Variants in CRPPA observed in about 807,000 individuals in gnomAD.
CRPPA encodes the protein D-ribitol-5-phosphate cytidylyltransferase.
In CRPPA, 43 loss-of-function variants were observed where a neutral mutation model predicts 52.0. That is an observed-to-expected ratio of 0.83 (90% CI 0.65 to 1.07). The LOEUF is 1.07. CRPPA is among the 50% of genes least tolerant of loss of function. CRPPA has a pLI of 0.00. For synonymous variants in CRPPA, 250 were observed against 203.5 expected, an observed-to-expected ratio of 1.23 and a Z score of -1.94; for missense variants, 629 against 551.7, an observed-to-expected ratio of 1.14 and a Z score of -1.40.
intron 5 of CRPPA, among the ~76,000 whole-genome samples, chr7:16,295,554 A>G (rs1414630434): frequency 2.6e-5 from 4 of 152,112 alleles, no homozygotes; most frequent in Admixed American, 6.6e-5. Flanking sequence ...TTTAGCCACA[A>G]TATTGAATAT....
At chr7:16,391,557 T>C (rs932380190) in intron 2 of CRPPA, among the ~76,000 whole-genome samples, 1 of 152,182 alleles carries the variant, frequency 6.6e-6, no homozygotes. Context: ...CTCAAAGAAC[T>C]AGTCAAGTTC....
chr7:16,322,804 T>C (rs1334814942), intron 3 of CRPPA, among the ~76,000 whole-genome samples: 1 of 149,958 alleles, frequency 6.7e-6, no homozygotes, highest in African/African-American at 2.4e-5. Flanking sequence ...CATGCTGCTA[T>C]GAAGAAATAC....
At chr7:16,104,883 G>C (rs1157790814) in intron 9 of CRPPA, among the ~76,000 whole-genome samples, 2 of 147,932 alleles carry the variant, frequency 1.4e-5, no homozygotes, top group Admixed American at 1.4e-4. Context: ...CTGGGCAACA[G>C]AGTGAGACTC....
Position 16,088,194 on chromosome 7 carries a change from C to T in CRPPA, c.*3501G>A, listed in dbSNP as rs1781735825. 1 of 152,138 alleles carries T rather than the reference C, an allele frequency of 6.6e-6. No homozygotes were observed. Among genetic ancestry groups the T allele is most frequent in the Non-Finnish European group, 1.5e-5 (1 of 68,030 alleles). The allele number at this position is 152,138 out of a possible 1,614,324, so 9.4% of individuals were successfully genotyped here. On this transcript the variant is annotated 3_prime_UTR_variant, in exon 10 of 10. Coordinates refer to ENST00000407010, the MANE Select transcript of CRPPA (RefSeq NM_001101426.4). ...TATGATGAACTCCTAAGACGACTAA[C>T]TTTAATTTGCATTTAACTAACTAGC... is the stretch of plus-strand genomic sequence containing the variant.
At chr7:16,308,733 G>A in intron 3 of CRPPA, 106 bp from the exon 4 acceptor site, 4 of 686,808 alleles carry the variant, frequency 5.8e-6, no homozygotes, top group Non-Finnish European at 1.0e-5. Flanking sequence ...GGCCTAGGGG[G>A]CTCAAACTAT....
chr7:16,400,373 G>C (rs1374476449), intron 2 of CRPPA, among the ~76,000 whole-genome samples: 1 of 152,224 alleles, frequency 6.6e-6, no homozygotes, highest in East Asian at 1.9e-4. Flanking sequence ...CAACACGTTT[G>C]TGACACACTG....
intron 2 of CRPPA, among the ~76,000 whole-genome samples, chr7:16,377,326 T>A (rs1214338558): frequency 6.6e-6 from 1 of 152,158 alleles, no homozygotes. Flanking sequence ...GTAGGTCAAC[T>A]GGTCAAGCCC....
intron 9 of CRPPA, among the ~76,000 whole-genome samples, chr7:16,193,068 T>C (rs1195287073): frequency 6.6e-6 from 1 of 152,148 alleles, no homozygotes. Flanking sequence ...AAAATCAGCT[T>C]GTCATTTTCA....
intron 3 of CRPPA, among the ~76,000 whole-genome samples, chr7:16,359,153 C>A (rs1786379009): frequency 6.6e-6 from 1 of 151,954 alleles, no homozygotes; most frequent in East Asian, 1.9e-4. Flanking sequence ...ACAGAGTCTC[C>A]CTCTGTCACC....
chr7:16,349,143 C>A (rs181967616), intron 3 of CRPPA, among the ~76,000 whole-genome samples: 1 of 152,302 alleles, frequency 6.6e-6, no homozygotes, highest in East Asian at 1.9e-4. Flanking sequence ...GACCATCCAA[C>A]ACCTAAACCT....
chr7:16,169,851 G>T (rs186601796), intron 9 of CRPPA, among the ~76,000 whole-genome samples: 1 of 152,204 alleles, frequency 6.6e-6, no homozygotes, highest in Non-Finnish European at 1.5e-5. Context: ...CTTAGATCCA[G>T]AAAACAAGAA....
chr7:16,382,180 G>A (rs10269450), intron 2 of CRPPA, among the ~76,000 whole-genome samples: 24,313 of 151,606 alleles, frequency 0.16, 2,864 homozygotes, highest in African/African-American at 0.33. Flanking sequence ...CTTTTAGGGC[G>A]GGCCTGGTGG....
chr7:16,338,153 G>A (rs929579105), intron 3 of CRPPA, among the ~76,000 whole-genome samples: 1 of 152,072 alleles, frequency 6.6e-6, no homozygotes, highest in African/African-American at 2.4e-5. Flanking sequence ...AAAAATATTA[G>A]CAAACCAAAT....
At chr7:16,112,909 C>T (rs1782296262) in intron 9 of CRPPA, among the ~76,000 whole-genome samples, 1 of 151,610 alleles carries the variant, frequency 6.6e-6, no homozygotes, top group Admixed American at 6.6e-5. Flanking sequence ...TGTAGTTAGG[C>T]AAGACAGACA....
rs935453417 is a variant in CRPPA at position 16,382,521 on chromosome 7, G to A, written c.535-6280C>T. 2.6e-5 allele frequency among the ~76,000 whole-genome samples: 4 copies of A among 152,074 alleles called. No individual in the cohort carries two copies. The East Asian group carries it at 7.7e-4, about 29-fold the overall frequency. On this transcript the variant is annotated intron_variant, in intron 2 of 9. Transcript: ENST00000407010. ...CTTTGTGGCATTCTCTGTATTTCCT[G>A]AATCTGAACGTTGGCCTGCCTTGCT...
intron 2 of CRPPA, among the ~76,000 whole-genome samples, chr7:16,379,121 A>G (rs972519847): frequency 5.9e-5 from 9 of 152,054 alleles, no homozygotes; most frequent in Non-Finnish European, 1.2e-4. Flanking sequence ...ATTAGATCCC[A>G]TTTGTCAATT....
At chr7:16,142,835 C>T (rs963070324) in intron 9 of CRPPA, among the ~76,000 whole-genome samples, 12 of 152,108 alleles carry the variant, frequency 7.9e-5, no homozygotes, top group African/African-American at 2.9e-4. Flanking sequence ...TAATGAATCT[C>T]AATGCTAGTT....
In CRPPA at chr7:16,278,300, CT is replaced by C. The variant is rs796896182; in HGVS notation, c.836-75del. On this transcript the variant is annotated intron_variant, in intron 5 of 9. Transcript: ENST00000407010. ...AGGCCCTAGGATGCTGAAACATAAA[CT>C]TACCTGATGTTCTTAGCTGTTGACC... 11 of 730,692 alleles carry C rather than the reference CT, an allele frequency of 1.5e-5. No homozygotes were observed. The South Asian group carries it at 1.9e-4, about 12-fold the overall frequency. The allele number at this position is 730,692 out of a possible 1,614,324, so 45.3% of individuals were successfully genotyped here.
At chr7:16,271,919 G>T (rs1241911409) in intron 6 of CRPPA, among the ~76,000 whole-genome samples, 1 of 151,786 alleles carries the variant, frequency 6.6e-6, no homozygotes, top group East Asian at 1.9e-4. Context: ...TTTATTATTT[G>T]GTAAATAAAC....
Sources: allele counts gnomAD v4.1 joint callset (sites outside exome capture counted in the v4.1 genomes callset), GRCh38; gene constraint gnomAD v4.1.1; transcripts MANE v1.5; gene names NCBI Gene and HGNC (gene_info 2026-07-23, HGNC 2026-07-21).